TBC1D4: variants seen among roughly 807,000 people sequenced by gnomAD.
TBC1D4 encodes TBC (Tre-2, BUB2, CDC16) domain-containing protein.
Under a neutral mutation model 142.5 loss-of-function variants are expected in TBC1D4, and 121 were observed. The observed-to-expected ratio is 0.85, with a 90% CI of 0.73 to 0.99. TBC1D4 has a LOEUF of 0.99. TBC1D4 is among the 50% of genes least tolerant of loss of function. TBC1D4 has a pLI of 0.00. For missense variants in TBC1D4, 1,475 were observed against 1,606.6 expected, an observed-to-expected ratio of 0.92 and a Z score of 1.40; for synonymous variants, 630 against 628.2, an observed-to-expected ratio of 1.00 and a Z score of -0.04.
intron 19 of TBC1D4, among the ~76,000 whole-genome samples, 161 bp from the exon 20 acceptor site, chr13:75,289,271 A>C (rs1158435777): frequency 1.3e-5 from 2 of 152,200 alleles, no homozygotes; most frequent in Non-Finnish European, 2.9e-5. Flanking sequence ...ATACAAGAAT[A>C]AATTAGATAT....
At chr13:75,410,021 A>G (rs1159667478) in intron 1 of TBC1D4, among the ~76,000 whole-genome samples, 2 of 152,296 alleles carry the variant, frequency 1.3e-5, no homozygotes, top group African/African-American at 2.4e-5. Flanking sequence ...ATCTTAACCA[A>G]ATTTGCCACT....
chr13:75,422,863 T>C (rs371044829), intron 1 of TBC1D4, among the ~76,000 whole-genome samples: 47 of 152,300 alleles, frequency 3.1e-4, no homozygotes, highest in African/African-American at 1.1e-3. Flanking sequence ...ATTCAGCTAC[T>C]CTCGGTTTTT....
rs1272729176 is a variant in TBC1D4 at position 75,375,768 on chromosome 13, C to CA, written c.499-13162_499-13161insT. The CA allele has an allele frequency of 9.2e-5, 11 of 119,814 alleles. 1 individual carries two copies. The highest frequency in any genetic ancestry group is 1.5e-4 in the Non-Finnish European group (9 of 59,872). 7.4% of individuals were successfully genotyped at this position (119,814 alleles called of 1,614,324 possible). A position where few individuals can be genotyped will look rare whatever the true frequency, so the allele number is the denominator to read the frequency against. On this transcript the variant is annotated intron_variant, in intron 1 of 20. Transcript: ENST00000377636. ...AGAGGACATTCCCCTACTGCCCCAC[C>CA]CCCCCCACACACACACATAATGGAT...
Position 75,301,458 on chromosome 13 carries a change from G to A in TBC1D4, c.2911+785C>T, listed in dbSNP as rs183463228. ...AGATTGAGACCATCCTGGCTAACAC[G>A]GTGAAACCCCATCTCTACTAAAAAT... On this transcript the variant is annotated intron_variant, in intron 16 of 20. Transcript: ENST00000377636. Among the ~76,000 whole-genome samples, 267 of 152,090 alleles carry A rather than the reference G, an allele frequency of 1.8e-3. 2 individuals carry two copies. Among genetic ancestry groups the A allele is most frequent in the African/African-American group, 6.0e-3 (250 of 41,506 alleles).
chr13:75,474,932 C>T (rs988893696), intron 1 of TBC1D4, among the ~76,000 whole-genome samples: 3 of 152,142 alleles, frequency 2.0e-5, no homozygotes, highest in Non-Finnish European at 4.4e-5. Flanking sequence ...CCACCACGCC[C>T]GGCCCATAAT....
intron 4 of TBC1D4, among the ~76,000 whole-genome samples, chr13:75,350,243 T>C (rs1284277197): frequency 6.6e-6 from 1 of 152,266 alleles, no homozygotes; most frequent in African/African-American, 2.4e-5. Context: ...CCATTTACCA[T>C]GCTTGGTAAG....
chr13:75,469,588 T>C lies in TBC1D4; in HGVS notation c.498+11682A>G, dbSNP rs147339357. 1.9e-3 allele frequency among the ~76,000 whole-genome samples: 289 copies of C among 152,168 alleles called. 2 individuals carry two copies. Among genetic ancestry groups the C allele is most frequent in the African/African-American group, 6.7e-3 (277 of 41,512 alleles). On this transcript the variant is annotated intron_variant, in intron 1 of 20. Coordinates refer to ENST00000377636, the MANE Select transcript of TBC1D4 (RefSeq NM_014832.5). Reference sequence around the variant, plus strand: ...GAGTTTGAGACCAGCCTGGGAAACATAGCCAAACCCTATCTCTACAAAAAA... The same window carrying C: ...GAGTTTGAGACCAGCCTGGGAAACACAGCCAAACCCTATCTCTACAAAAAA...
intron 17 of TBC1D4, 31 bp from the exon 18 acceptor site, chr13:75,295,044 T>G (rs749001618): frequency 1.2e-6 from 2 of 1,606,884 alleles, no homozygotes; most frequent in Non-Finnish European, 1.7e-6. Context: ...AAAAAAAATA[T>G]TATGCATTTA....
At chr13:75,402,870 A>C (rs1460714826) in intron 1 of TBC1D4, among the ~76,000 whole-genome samples, 1 of 152,206 alleles carries the variant, frequency 6.6e-6, no homozygotes, top group Non-Finnish European at 1.5e-5. Context: ...AAAAGCAAAA[A>C]TAGAGCTCAC....
intron 17 of TBC1D4, among the ~76,000 whole-genome samples, chr13:75,296,930 G>A (rs1875991132): frequency 6.6e-6 from 1 of 152,130 alleles, no homozygotes; most frequent in African/African-American, 2.4e-5. Flanking sequence ...GCCACCAAGA[G>A]AGAAGCAAGA....
rs1314198023 is a variant in TBC1D4 at position 75,324,275 on chromosome 13, A to G, written c.2160T>C (p.Asn720=). The G allele has an allele frequency of 1.9e-6, 3 of 1,613,986 alleles. No individual in the cohort carries two copies. Among genetic ancestry groups the G allele is most frequent in the Non-Finnish European group, 2.5e-6 (3 of 1,179,844 alleles). Reference sequence around the variant, plus strand: ...CATACTGTGGGGACAGTCTACCTGAATTCTGGTAAAAGCTTTTCAGGAAAG... The same window carrying G: ...CATACTGTGGGGACAGTCTACCTGAGTTCTGGTAAAAGCTTTTCAGGAAAG... ...APSFLKSFYQ[N]SGRLSPQYEN... The change falls in exon 11 of 21, where the codon AAT becomes AAC. Residue 720 remains asparagine (N), a synonymous_variant. Coordinates refer to ENST00000377636, the MANE Select transcript of TBC1D4 (RefSeq NM_014832.5).
chr13:75,455,105 C>T (rs1318070841), intron 1 of TBC1D4, among the ~76,000 whole-genome samples: 2 of 152,152 alleles, frequency 1.3e-5, no homozygotes, highest in Non-Finnish European at 2.9e-5. Context: ...TTCCCTCCCT[C>T]CCATCCTATC....
At chr13:75,437,366 G>A (rs1056541995) in intron 1 of TBC1D4, among the ~76,000 whole-genome samples, 3 of 152,056 alleles carry the variant, frequency 2.0e-5, no homozygotes, top group African/African-American at 7.2e-5. Context: ...ATAGTAACAA[G>A]GAGAACTATA....
intron 1 of TBC1D4, among the ~76,000 whole-genome samples, chr13:75,473,322 A>G (rs1417067779): frequency 1.3e-5 from 2 of 152,222 alleles, no homozygotes; most frequent in African/African-American, 2.4e-5. Context: ...TACATAACCC[A>G]TTATTAAAAA....
In TBC1D4 at chr13:75,349,318, A is replaced by G; in HGVS notation, c.1276-16T>C. 3.1e-6 allele frequency: 5 copies of G among 1,613,616 alleles called. No homozygotes were observed. Among genetic ancestry groups the G allele is most frequent in the Non-Finnish European group, 4.2e-6 (5 of 1,179,846 alleles). On this transcript the variant is annotated splice_polypyrimidine_tract_variant and intron_variant, in intron 4 of 20. Coordinates refer to ENST00000377636, the MANE Select transcript of TBC1D4 (RefSeq NM_014832.5). ...CCTCATCAACCTACAGGAAGAAACA[A>G]AACTCAGGTCTATAAAAGTTGGCTT...
intron 1 of TBC1D4, among the ~76,000 whole-genome samples, chr13:75,434,083 A>T (rs1032122151): frequency 3.3e-5 from 5 of 152,196 alleles, no homozygotes; most frequent in African/African-American, 1.2e-4. Flanking sequence ...TGGCTTAACC[A>T]TCGTGGAAAG....
chr13:75,355,576 G>C (rs1196607712), intron 4 of TBC1D4, among the ~76,000 whole-genome samples: 1 of 152,154 alleles, frequency 6.6e-6, no homozygotes, highest in East Asian at 1.9e-4. Flanking sequence ...ATGAAGGGGG[G>C]ACATAATGCC....
chr13:75,433,016 CA>C (rs1442494079), intron 1 of TBC1D4, among the ~76,000 whole-genome samples: 1 of 151,304 alleles, frequency 6.6e-6, no homozygotes, highest in Non-Finnish European at 1.5e-5. Context: ...AGGATTAGAG[CA>C]AATAACTGAA....
At chr13:75,406,315 C>G (rs1228843880) in intron 1 of TBC1D4, among the ~76,000 whole-genome samples, 3 of 152,210 alleles carry the variant, frequency 2.0e-5, no homozygotes, top group African/African-American at 4.8e-5. Flanking sequence ...TACTTAAAAC[C>G]AAGATCACTG....
Sources: gnomAD v4.1 joint callset for allele counts (sites outside exome capture counted in the v4.1 genomes callset) on GRCh38, gnomAD v4.1.1 for gene constraint, MANE v1.5 for transcripts, NCBI Gene and HGNC (gene_info 2026-07-23, HGNC 2026-07-21) for gene names.